CPXM2: variants seen among roughly 807,000 people sequenced by gnomAD.
CPXM2 encodes the protein carboxypeptidase X, M14 family member 2, also known as inactive carboxypeptidase-like protein X2.
A neutral mutation model predicts 86.1 loss-of-function variants in CPXM2; 66 were observed. The observed-to-expected ratio is 0.77, with a 90% CI of 0.63 to 0.94. The LOEUF is 0.94. Ranked by LOEUF, CPXM2 falls within the 40% of genes least tolerant of loss-of-function variation. The pLI, the probability that CPXM2 is intolerant of heterozygous loss-of-function variation, is 0.00. For missense variants in CPXM2, 948 were observed against 1,026.3 expected (o/e 0.92, Z 1.04); for synonymous variants, 388 against 400.2 (o/e 0.97, Z 0.36).
intron 4 of CPXM2, among the ~76,000 whole-genome samples, chr10:123,835,692 C>G (rs1054185141): frequency 2.6e-5 from 4 of 152,210 alleles, no homozygotes; most frequent in Non-Finnish European, 4.4e-5. Context: ...CACACCCTCT[C>G]TCCTGAGAAG....
intron 2 of CPXM2, among the ~76,000 whole-genome samples, chr10:123,913,266 T>G (rs1441081376): frequency 6.6e-6 from 1 of 152,252 alleles, no homozygotes; most frequent in Non-Finnish European, 1.5e-5. Flanking sequence ...TTTGAAGTTA[T>G]ACACAGATAT....
chr10:123,937,978 A>G (rs72631135), intron 2 of CPXM2, among the ~76,000 whole-genome samples: 9,162 of 152,254 alleles, frequency 0.06, 724 homozygotes, highest in East Asian at 0.41. Flanking sequence ...CCTTCTGAAT[A>G]GAATTAAGAT....
intron 3 of CPXM2, among the ~76,000 whole-genome samples, chr10:123,847,875 A>ACT (rs1298366682): frequency 6.6e-6 from 1 of 152,158 alleles, no homozygotes; most frequent in African/African-American, 2.4e-5. Context: ...TGCGGCAGTG[A>ACT]GTCACTGATC....
chr10:123,806,847 G>A (rs61109582), intron 4 of CPXM2, among the ~76,000 whole-genome samples: 13,909 of 151,936 alleles, frequency 0.092, 711 homozygotes, highest in African/African-American at 0.15. Context: ...CCCATGATCC[G>A]GTCACCTCCC....
chr10:123,908,753 G>T (rs995283742), intron 2 of CPXM2, among the ~76,000 whole-genome samples: 7 of 152,196 alleles, frequency 4.6e-5, no homozygotes, highest in African/African-American at 9.7e-5. Context: ...AAACAGCCAT[G>T]AGGTTTTTAA....
At chr10:123,846,589 G>A (rs1848500612) in intron 3 of CPXM2, among the ~76,000 whole-genome samples, 1 of 152,170 alleles carries the variant, frequency 6.6e-6, no homozygotes, top group African/African-American at 2.4e-5. Context: ...TGGGGACCCT[G>A]TACTAGAGGA....
intron 2 of CPXM2, among the ~76,000 whole-genome samples, chr10:123,863,377 C>T (rs908168004): frequency 6.6e-6 from 1 of 152,172 alleles, no homozygotes; most frequent in Non-Finnish European, 1.5e-5. Flanking sequence ...GTGTGAAAGG[C>T]CATGCAGCGA....
intron 6 of CPXM2, among the ~76,000 whole-genome samples, chr10:123,787,601 A>G (rs578151488): frequency 4.3e-4 from 65 of 152,292 alleles, no homozygotes; most frequent in African/African-American, 1.5e-3. Flanking sequence ...TCTTAAAAGA[A>G]CAGTAAGAAT....
chr10:123,771,849 C>T (rs1846641086), intron 7 of CPXM2, among the ~76,000 whole-genome samples: 1 of 152,194 alleles, frequency 6.6e-6, no homozygotes, highest in South Asian at 2.1e-4. Context: ...TCACTCAGCA[C>T]TCATTCTGTC....
intron 1 of CPXM2, among the ~76,000 whole-genome samples, chr10:123,880,525 A>T (rs1392146351): frequency 2.2e-4 from 34 of 152,124 alleles, no homozygotes; most frequent in Admixed American, 2.2e-3. Flanking sequence ...AATAAAAACA[A>T]TGTACACCTG....
At chr10:123,791,736 C>T (rs1283221353) in intron 6 of CPXM2, among the ~76,000 whole-genome samples, 3 of 152,228 alleles carry the variant, frequency 2.0e-5, no homozygotes, top group Non-Finnish European at 2.9e-5. Flanking sequence ...GTAGGGGGAC[C>T]TCCTCTTGAT....
chr10:123,900,103 G>C (rs996615902), intron 2 of CPXM2, among the ~76,000 whole-genome samples: 1 of 152,164 alleles, frequency 6.6e-6, no homozygotes, highest in Non-Finnish European at 1.5e-5. Flanking sequence ...GTGTAGTGAC[G>C]TGATCTTGGC....
chr10:123,796,951 G>A (rs551801566), intron 6 of CPXM2, among the ~76,000 whole-genome samples: 2 of 152,230 alleles, frequency 1.3e-5, no homozygotes, highest in South Asian at 2.1e-4. Context: ...GGTGATCTCA[G>A]GCCAGCCACC....
intron 1 of CPXM2, among the ~76,000 whole-genome samples, chr10:123,883,007 C>G (rs984931895): frequency 6.6e-6 from 1 of 151,916 alleles, no homozygotes; most frequent in Non-Finnish European, 1.5e-5. Context: ...CTGGACTGCC[C>G]GCAATACCAT....
chr10:123,913,523 C>A (rs192671969), intron 2 of CPXM2: 1 of 165,432 alleles, frequency 6.0e-6, no homozygotes, highest in East Asian at 1.7e-4. Context: ...GCATGTATTC[C>A]GCACCTTGTT....
chr10:123,798,058 G>A lies in CPXM2; in HGVS notation c.807C>T (p.Arg269=). 6.2e-7 allele frequency: 1 copy of A among 1,612,182 alleles called. No homozygotes were observed. The highest frequency in any genetic ancestry group is 1.3e-5 in the African/African-American group (1 of 74,922). The change falls in exon 6 of 14, where the codon CGC becomes CGT. Residue 269 remains arginine, a synonymous_variant. Coordinates refer to ENST00000241305, the MANE Select transcript of CPXM2 (RefSeq NM_198148.3). ...AGGACTGAGGGTTTATGCGGATGTA[G>A]CGGGCCACCATGGGGACGGGTAGCT... ...LNELPVPMVA[R]YIRINPQSWF...
intron 13 of CPXM2, chr10:123,751,502 C>T (rs1476627006): frequency 1.0e-6 from 1 of 985,048 alleles, no homozygotes; most frequent in East Asian, 1.1e-4. Context: ...TATACGTGGG[C>T]AGAAGGGGCA....
intron 1 of CPXM2, among the ~76,000 whole-genome samples, chr10:123,880,736 GA>G (rs1187519782): frequency 1.4e-5 from 2 of 140,260 alleles, no homozygotes; most frequent in African/African-American, 5.3e-5. Flanking sequence ...GGCTGAGGCA[GA>G]AGAATGGCGT....
chr10:123,816,451 C>T (rs61863822), intron 4 of CPXM2, among the ~76,000 whole-genome samples: 8,519 of 152,274 alleles, frequency 0.056, 308 homozygotes, highest in South Asian at 0.082. Flanking sequence ...CAGAGATTAG[C>T]GCCGCCATCA....
Sources: gnomAD v4.1 joint callset for allele counts (sites outside exome capture counted in the v4.1 genomes callset) on GRCh38, gnomAD v4.1.1 for gene constraint, MANE v1.5 for transcripts, NCBI Gene and HGNC (gene_info 2026-07-23, HGNC 2026-07-21) for gene names.